Variants in IL20RA observed in about 807,000 individuals in gnomAD.
IL20RA encodes the protein interleukin-20 receptor subunit alpha.
A neutral mutation model predicts 36.5 loss-of-function variants in IL20RA; 29 were observed. The observed-to-expected ratio is 0.79, with a 90% confidence interval of 0.59 to 1.08. The LOEUF is 1.08. Ranked by LOEUF, IL20RA falls within the 50% of genes least tolerant of loss-of-function variation. IL20RA has a pLI of 0.00. For missense variants in IL20RA, 652 were observed against 668.4 expected (o/e 0.98, Z 0.27); for synonymous variants, 279 against 267.1 (o/e 1.04, Z -0.43).
intron 5 of IL20RA, 49 bp downstream of exon 5, chr6:137,008,550 G>T: frequency 4.6e-6 from 7 of 1,523,090 alleles, no homozygotes; most frequent in Non-Finnish European, 5.3e-6. Context: ...CCGACTTCTA[G>T]TTTTAGCAGA....
chr6:137,043,740 C>T (rs1008962894), intron 1 of IL20RA, among the ~76,000 whole-genome samples: 3 of 152,116 alleles, frequency 2.0e-5, no homozygotes, highest in Non-Finnish European at 4.4e-5. Context: ...GGGGCCTGAA[C>T]GAAGTGTCTA....
intron 1 of IL20RA, among the ~76,000 whole-genome samples, chr6:137,025,338 G>A (rs1776049717): frequency 6.6e-6 from 1 of 152,158 alleles, no homozygotes; most frequent in South Asian, 2.1e-4. Flanking sequence ...CAACATGTGA[G>A]GACATAGTGA....
At chr6:137,008,841 T>C in intron 4 of IL20RA, 98 bp from the exon 5 acceptor site, 1 of 775,868 alleles carries the variant, frequency 1.3e-6, no homozygotes, top group Non-Finnish European at 1.9e-6. Flanking sequence ...AAGGCACCAT[T>C]TAATTCTTTA....
chr6:137,004,174 T>TTTTTTTTG (rs1775190573), intron 6 of IL20RA, among the ~76,000 whole-genome samples: 21 of 124,450 alleles, frequency 1.7e-4, no homozygotes, highest in Admixed American at 3.3e-4. Flanking sequence ...TTTTTTTTTT[T>TTTTTTTTG]TTTTTTTTTT....
At chr6:137,026,289 A>T (rs1055420855) in intron 1 of IL20RA, among the ~76,000 whole-genome samples, 2 of 152,202 alleles carry the variant, frequency 1.3e-5, no homozygotes, top group Non-Finnish European at 2.9e-5. Flanking sequence ...TGGCAAATAA[A>T]TGCTTTGGAA....
At chr6:137,015,911 C>T (rs1775667148) in intron 2 of IL20RA, among the ~76,000 whole-genome samples, 1 of 152,146 alleles carries the variant, frequency 6.6e-6, no homozygotes, top group South Asian at 2.1e-4. Context: ...GAAGTCTTGG[C>T]CTCCTAAAGT....
intron 1 of IL20RA, among the ~76,000 whole-genome samples, chr6:137,028,233 C>A (rs960640827): frequency 6.6e-6 from 1 of 152,062 alleles, no homozygotes; most frequent in Non-Finnish European, 1.5e-5. Context: ...GCCTGGCCAA[C>A]ATGGTGAAAC....
chr6:137,004,759 A>T lies in IL20RA; in HGVS notation c.726T>A (p.Asp242Glu), dbSNP rs1775218752. The change falls in exon 6 of 7, where the codon GAT becomes GAA. Residue 242 changes from aspartate to glutamate, a missense_variant and splice_region_variant. By Grantham distance (45) the Asp-to-Glu change is conservative. Coordinates refer to ENST00000316649, the MANE Select transcript of IL20RA (RefSeq NM_014432.4). ...SEKQCARTLK[D>E]QSSEFKAKII... ...TTTTAGCCTTGAACTCTGATGATTG[A>T]TCTGTAAAAAAAAAAAAAAAGGTGG... 6.8e-7 allele frequency: 1 copy of T among 1,471,798 alleles called. No homozygotes were observed. Among genetic ancestry groups the T allele is most frequent in the Non-Finnish European group, 9.0e-7 (1 of 1,115,944 alleles). 91.2% of individuals were successfully genotyped at this position (1,471,798 alleles called of 1,614,324 possible).
chr6:137,011,775 A>G (rs928004588), intron 2 of IL20RA, among the ~76,000 whole-genome samples: 1 of 152,172 alleles, frequency 6.6e-6, no homozygotes, highest in African/African-American at 2.4e-5. Flanking sequence ...TCTTCTAGTA[A>G]TTATCTGTGT....
chr6:137,025,586 C>T (rs1776057715), intron 1 of IL20RA, among the ~76,000 whole-genome samples: 1 of 152,292 alleles, frequency 6.6e-6, no homozygotes, highest in African/African-American at 2.4e-5. Flanking sequence ...TCTGTTTGCT[C>T]GCAGGTCCTT....
At chr6:137,024,343 C>T (rs919838568) in intron 1 of IL20RA, among the ~76,000 whole-genome samples, 35 of 152,080 alleles carry the variant, frequency 2.3e-4, no homozygotes, top group African/African-American at 8.2e-4. Context: ...GAATCAACAC[C>T]AGAGTGAAAA....
intron 1 of IL20RA, among the ~76,000 whole-genome samples, chr6:137,039,869 A>AG (rs1272053291): frequency 6.6e-6 from 1 of 152,316 alleles, no homozygotes; most frequent in African/African-American, 2.4e-5. Context: ...AACTAGCATG[A>AG]GGGGGAACCC....
Position 137,044,740 on chromosome 6 carries a change from C to T in IL20RA, c.-12G>A. On this transcript the variant is annotated 5_prime_UTR_variant, in exon 1 of 7. Transcript: ENST00000316649. ...CCGGGAGCCCGCATGGGCGGCGGGG[C>T]TGGGTCACATGTCGGGGGGCAGCAG... 1.6e-6 allele frequency: 2 copies of T among 1,215,688 alleles called. No individual in the cohort carries two copies. Among genetic ancestry groups the T allele is most frequent in the Non-Finnish European group, 2.0e-6 (2 of 977,952 alleles). 75.3% of individuals were successfully genotyped at this position (1,215,688 alleles called of 1,614,324 possible).
At chr6:137,020,165 C>A (rs149520079) in intron 1 of IL20RA, among the ~76,000 whole-genome samples, 1 of 152,232 alleles carries the variant, frequency 6.6e-6, no homozygotes, top group African/African-American at 2.4e-5. Flanking sequence ...GGCAAAGTAA[C>A]TGAGGCTTCC....
Position 137,011,288 on chromosome 6 carries a change from T to C in IL20RA, c.389A>G (p.Tyr130Cys). The C allele has an allele frequency of 6.2e-7, 1 of 1,610,644 alleles. No individual in the cohort carries two copies. The highest frequency in any genetic ancestry group is 8.5e-7 in the Non-Finnish European group (1 of 1,178,444). ...GCATTACTTACTTTCTAAAAAAGGATAGAACCGTCCACTTTCAGCCCATTT... is the reference window on the plus strand; with the variant it reads ...GCATTACTTACTTTCTAAAAAAGGACAGAACCGTCCACTTTCAGCCCATTT... ...CSKWAESGRF[Y>C]PFLETQIGPP... The change falls in exon 3 of 7, where the codon TAT (tyrosine) becomes TGT (cysteine). Residue 130 changes from tyrosine to cysteine, a missense_variant. Transcript: ENST00000316649.
At chr6:137,040,737 T>C (rs896313699) in intron 1 of IL20RA, among the ~76,000 whole-genome samples, 1 of 152,132 alleles carries the variant, frequency 6.6e-6, no homozygotes, top group East Asian at 1.9e-4. Flanking sequence ...GCAAAAATGA[T>C]GACCCTTCCT....
At chr6:137,003,654 T>C (rs1179728606) in intron 6 of IL20RA, among the ~76,000 whole-genome samples, 3 of 152,246 alleles carry the variant, frequency 2.0e-5, no homozygotes, top group Non-Finnish European at 4.4e-5. Flanking sequence ...ATACTGACTA[T>C]GATGCTCCTA....
intron 1 of IL20RA, among the ~76,000 whole-genome samples, chr6:137,023,192 G>T (rs1775298): frequency 6.6e-6 from 1 of 151,576 alleles, no homozygotes; most frequent in Non-Finnish European, 1.5e-5. Context: ...GACTAAGCAA[G>T]GGAGTAAGGC....
chr6:137,018,584 C>T (rs1191077106), intron 1 of IL20RA, among the ~76,000 whole-genome samples: 1 of 151,102 alleles, frequency 6.6e-6, no homozygotes, highest in Non-Finnish European at 1.5e-5. Context: ...ACATAGCCTG[C>T]CCAACATCAG....
Sources: allele counts gnomAD v4.1 joint callset (sites outside exome capture counted in the v4.1 genomes callset), GRCh38; gene constraint gnomAD v4.1.1; transcripts MANE v1.5; gene names NCBI Gene and HGNC (gene_info 2026-07-23, HGNC 2026-07-21).